Variants in CFAP20DC observed in about 807,000 individuals in gnomAD.
The protein encoded by CFAP20DC is protein CFAP20DC.
CFAP20DC carries 84 observed loss-of-function variants against 101.7 expected under a neutral mutation model. That is an observed-to-expected ratio of 0.83 (90% CI 0.69 to 0.99). The LOEUF is 0.99. Ranked by LOEUF, CFAP20DC falls within the 50% of genes least tolerant of loss-of-function variation. The pLI is 0.00. For synonymous variants in CFAP20DC, 359 were observed against 351.2 expected (o/e 1.02, Z -0.25); for missense variants, 1,007 against 970.3 (o/e 1.04, Z -0.50).
chr3:58,719,088 T>A (rs1453581185), intron 3 of CFAP20DC, among the ~76,000 whole-genome samples: 1 of 151,816 alleles, frequency 6.6e-6, no homozygotes, highest in Non-Finnish European at 1.5e-5. Flanking sequence ...TACAAAAAAA[T>A]AAAAAATTAG....
At chr3:58,944,949 ATGAC>A (rs1475299355) in intron 4 of CFAP20DC, among the ~76,000 whole-genome samples, 19 of 152,354 alleles carry the variant, frequency 1.2e-4, no homozygotes, top group African/African-American at 4.3e-4. Flanking sequence ...TATAATCCAA[ATGAC>A]TGACTTAGAC....
intron 14 of CFAP20DC, among the ~76,000 whole-genome samples, chr3:58,811,952 A>C (rs2074675904): frequency 6.6e-6 from 1 of 152,182 alleles, no homozygotes; most frequent in Admixed American, 6.5e-5. Flanking sequence ...ACACATGAAA[A>C]AATGCTTACC....
At chr3:58,813,696 T>G (rs961985994) in intron 14 of CFAP20DC, among the ~76,000 whole-genome samples, 2 of 151,932 alleles carry the variant, frequency 1.3e-5, no homozygotes, top group African/African-American at 4.8e-5. Context: ...CTTGGAAGTG[T>G]TCCTTTAATT....
At chr3:58,946,404 C>A (rs1468563349) in intron 4 of CFAP20DC, among the ~76,000 whole-genome samples, 3 of 152,090 alleles carry the variant, frequency 2.0e-5, no homozygotes, top group Non-Finnish European at 2.9e-5. Flanking sequence ...GCGTGGGCCA[C>A]CCAACCCAGC....
downstream of CFAP20DC, among the ~76,000 whole-genome samples, chr3:58,739,364 A>G (rs2107114945): frequency 6.6e-6 from 1 of 152,376 alleles, no homozygotes; most frequent in South Asian, 2.1e-4. Context: ...TCAGTCCCCA[A>G]ACTGATACCA....
chr3:58,928,668 T>C (rs1437179311), intron 5 of CFAP20DC, among the ~76,000 whole-genome samples: 1 of 152,232 alleles, frequency 6.6e-6, no homozygotes, highest in East Asian at 1.9e-4. Flanking sequence ...ATGATCTCAC[T>C]GCATTGGCAT....
At chr3:58,890,823 G>C (rs1333934284) in intron 6 of CFAP20DC, among the ~76,000 whole-genome samples, 2 of 149,224 alleles carry the variant, frequency 1.3e-5, no homozygotes, top group Non-Finnish European at 3.0e-5. Context: ...CATCTCAGAC[G>C]ATGGGCCGCC....
chr3:58,887,226 CTA>C (rs2081719689), intron 6 of CFAP20DC: 1 of 152,084 alleles, frequency 6.6e-6, no homozygotes, highest in Non-Finnish European at 1.5e-5. Context: ...TTTAGAAAAT[CTA>C]TATAAAGTAA....
At chr3:58,845,617 T>A (rs1419426887) in intron 13 of CFAP20DC, among the ~76,000 whole-genome samples, 1 of 152,166 alleles carries the variant, frequency 6.6e-6, no homozygotes, top group African/African-American at 2.4e-5. Flanking sequence ...CTTCTGAAAC[T>A]ATTCCAATCA....
At chr3:58,909,314 T>TA (rs888397335) in intron 6 of CFAP20DC, among the ~76,000 whole-genome samples, 3 of 152,008 alleles carry the variant, frequency 2.0e-5, no homozygotes, top group East Asian at 1.9e-4. Context: ...CTAAAACTGC[T>TA]AAAAAAATAA....
chr3:58,945,750 C>T (rs2089269691), intron 4 of CFAP20DC, among the ~76,000 whole-genome samples: 1 of 149,560 alleles, frequency 6.7e-6, no homozygotes, highest in South Asian at 2.1e-4. Flanking sequence ...GGGCTGGAGT[C>T]CAGTGGCGCG....
chr3:58,919,077 G>A (rs1162155101), intron 5 of CFAP20DC, among the ~76,000 whole-genome samples: 1 of 152,158 alleles, frequency 6.6e-6, no homozygotes, highest in African/African-American at 2.4e-5. Flanking sequence ...GCCCCAGACA[G>A]ATCCTGTGCA....
At chr3:58,980,888 T>C (rs945152699) in intron 4 of CFAP20DC, among the ~76,000 whole-genome samples, 1 of 152,202 alleles carries the variant, frequency 6.6e-6, no homozygotes, top group Non-Finnish European at 1.5e-5. Context: ...ATAAAGGGTA[T>C]TCAATTAGGA....
chr3:58,722,584 C>T lies in CFAP20DC; in HGVS notation c.198-4956G>A, dbSNP rs2067488058. Among the ~76,000 whole-genome samples the T allele has an allele frequency of 6.6e-6, 1 of 152,236 alleles. No homozygotes were observed. Among genetic ancestry groups the T allele is most frequent in the East Asian group, 1.9e-4 (1 of 5,200 alleles). On this transcript the variant is annotated intron_variant, in intron 3 of 3. Transcript: ENST00000486145. The surrounding 1 kb of genome is among the most constrained non-coding windows in gnomAD (Gnocchi z 4.5). ...CCACCTTCAACTCAAAAGCCCAGCT[C>T]TCCCCTTCGACGCAGGGTCAAGGCA...
At chr3:58,762,740 C>CA (rs2069772387) in intron 15 of CFAP20DC, among the ~76,000 whole-genome samples, 1 of 152,170 alleles carries the variant, frequency 6.6e-6, no homozygotes, top group Admixed American at 6.5e-5. Context: ...CTGGTGGTGA[C>CA]AAAATCTCTC....
chr3:58,937,156 G>A (rs2087807555), intron 5 of CFAP20DC, among the ~76,000 whole-genome samples: 1 of 152,144 alleles, frequency 6.6e-6, no homozygotes, highest in Admixed American at 6.5e-5. Context: ...TGTACTGTCA[G>A]ACCAATGTTT....
rs964471507 is a variant in CFAP20DC at position 58,828,527 on chromosome 3, C to T, written c.2175+3159G>A. ...ATGGATGCAGCTGGAGGCCATTATC[C>T]TAAGCAAATTAATGCAGGAACAGAA... On this transcript the variant is annotated intron_variant, in intron 14 of 16. Coordinates refer to ENST00000482387, the MANE Select transcript of CFAP20DC (RefSeq NM_001394063.1). Among the ~76,000 whole-genome samples the T allele has an allele frequency of 8.5e-5, 13 of 152,258 alleles. 1 individual carries two copies. Among genetic ancestry groups the T allele is most frequent in the Admixed American group, 6.5e-4 (10 of 15,298 alleles).
Position 58,971,864 on chromosome 3 carries a change from T to TAC in CFAP20DC, c.279-34104_279-34103dup, listed in dbSNP as rs34030341. On this transcript the variant is annotated intron_variant, in intron 4 of 16. Transcript: ENST00000482387. The surrounding 1 kb of genome is among the most constrained non-coding windows in gnomAD (Gnocchi z 4.1). ...CTGTAATATCATACACACGCACACA[T>TAC]ACACACACACACACACACACACACA... 0.16 allele frequency among the ~76,000 whole-genome samples: 22,221 copies of TAC among 142,366 alleles called. 1,611 individuals are homozygous for TAC. Among genetic ancestry groups the TAC allele is most frequent in the Middle Eastern group, 0.19 (55 of 286 alleles). 93.4% of individuals were successfully genotyped at this position (142,366 alleles called of 152,430 possible). A position where few individuals can be genotyped will look rare whatever the true frequency, so the allele number is the denominator to read the frequency against.
rs1345537816 is a variant in CFAP20DC, at chr3:58,722,781, G to A, written c.198-5153C>T. Reference sequence around the variant, plus strand: ...ACAGACTGCTGGTATCCTGCCAAGAGAGATAAACAGTCTCATCTTGCACTG... The same window carrying A: ...ACAGACTGCTGGTATCCTGCCAAGAAAGATAAACAGTCTCATCTTGCACTG... On this transcript the variant is annotated intron_variant, in intron 3 of 3. Transcript: ENST00000486145. This position sits in a 1 kb window ranked among gnomAD's most constrained non-coding sequence, Gnocchi z 4.5. 2.0e-5 allele frequency among the ~76,000 whole-genome samples: 3 copies of A among 152,232 alleles called. No homozygotes were observed. The highest frequency in any genetic ancestry group is 4.8e-5 in the African/African-American group (2 of 41,456).
Sources: gnomAD v4.1 joint callset for allele counts (sites outside exome capture counted in the v4.1 genomes callset) on GRCh38, gnomAD v4.1.1 for gene constraint, Gnocchi (gnomAD v3.1) non-coding constraint, MANE v1.5 for transcripts, NCBI Gene and HGNC (gene_info 2026-07-23, HGNC 2026-07-21) for gene names.